Variants in NBEA observed in about 807,000 individuals in gnomAD.
The protein encoded by NBEA is neurobeachin.
In NBEA, 44 loss-of-function variants were observed where a neutral mutation model predicts 343.4. The observed-to-expected ratio is 0.13, with a 90% CI of 0.10 to 0.16. The LOEUF (loss-of-function observed/expected upper bound fraction) is 0.16, where lower values mean the gene tolerates loss of function less well. Ranked by LOEUF, NBEA falls within the 10% of genes least tolerant of loss-of-function variation. The pLI, the probability that NBEA is intolerant of heterozygous loss-of-function variation, is 1.00. For missense variants in NBEA, 2,555 were observed against 3,631.3 expected (o/e 0.70, Z 7.62); for synonymous variants, 1,175 against 1,238.7 (o/e 0.95, Z 1.08).
At chr13:35,518,086 C>T (rs1044423559) in intron 41 of NBEA, among the ~76,000 whole-genome samples, 3 of 152,128 alleles carry the variant, frequency 2.0e-5, no homozygotes, top group African/African-American at 7.2e-5. Context: ...ATTTAATGAG[C>T]ATGTACTTCC....
rs1176630696 is a variant in NBEA at position 35,031,892 on chromosome 13, G to A, written c.295-9041G>A. 5.3e-5 allele frequency among the ~76,000 whole-genome samples: 8 copies of A among 151,502 alleles called. No homozygotes were observed. The South Asian group carries it at 1.7e-3, about 31-fold the overall frequency. On this transcript the variant is annotated intron_variant, in intron 1 of 58. Coordinates refer to ENST00000379939, the MANE Select transcript of NBEA (RefSeq NM_001385012.1). ...TTAGCTCCCACTTATAAGTGAGAAT[G>A]TGTGGTATTTGGTTTTCTGTTCCTG...
chr13:35,010,772 A>T (rs2061470736), intron 1 of NBEA, among the ~76,000 whole-genome samples: 1 of 115,818 alleles, frequency 8.6e-6, no homozygotes, highest in Non-Finnish European at 1.7e-5. Context: ...ATATATATAT[A>T]TATATATAAG....
chr13:35,665,127 A>T lies in NBEA; in HGVS notation c.8405A>T (p.His2802Leu), dbSNP rs2085289931. Residue 2802 changes from histidine (H) to leucine (L), a missense_variant, in exon 56 of 59, where the codon CAT becomes CTT. By Grantham distance (99) the His-to-Leu change is moderately conservative (BLOSUM62 -3). This residue lies in a region of NBEA where 186 missense variants were observed against 328.9 expected (regional missense o/e 0.57). Transcript: ENST00000379939. ...AGAGCCGTCCTCACAGGCCATGACC[A>T]TGAAGTTGTCTGTGTTTCTGTCTGT... ...APRAVLTGHD[H>L]EVVCVSVCAE... is the part of the protein sequence containing the mutation. The T allele has an allele frequency of 1.3e-6, 2 of 1,588,584 alleles. No individual in the cohort carries two copies. Among genetic ancestry groups the T allele is most frequent in the Non-Finnish European group, 1.7e-6 (2 of 1,165,392 alleles).
chr13:34,966,234 C>T (rs1416235207), intron 1 of NBEA, among the ~76,000 whole-genome samples: 1 of 151,948 alleles, frequency 6.6e-6, no homozygotes, highest in Non-Finnish European at 1.5e-5. Context: ...GTAGTGTGCC[C>T]ATTGCATGTA....
intron 48 of NBEA, among the ~76,000 whole-genome samples, chr13:35,625,561 G>A (rs769199072): frequency 2.6e-5 from 4 of 152,038 alleles, no homozygotes; most frequent in Non-Finnish European, 5.9e-5. Context: ...GGAGACGGAG[G>A]TTGTAGTGAG....
chr13:35,057,919 AT>A (rs1021325557), intron 7 of NBEA, among the ~76,000 whole-genome samples: 4 of 152,066 alleles, frequency 2.6e-5, no homozygotes, highest in East Asian at 1.9e-4. Flanking sequence ...TCCATTCACA[AT>A]TTTTTTTGTT....
intron 41 of NBEA, among the ~76,000 whole-genome samples, chr13:35,479,868 G>C (rs1343203552): frequency 6.6e-6 from 1 of 151,988 alleles, no homozygotes; most frequent in East Asian, 1.9e-4. Context: ...TCTTTGACAT[G>C]AGCTAATAAT....
Position 35,670,911 on chromosome 13 carries a change from A to G in NBEA, c.8824A>G (p.Thr2942Ala), listed in dbSNP as rs1276376644. ...DLSHDQRTLI[T>A]GMASGSIVAF... ...TTTCTGCTTTTCCAGGACTCTGATCACTGGCATGGCTTCTGGTAGCATTGT... is the reference window on the plus strand; with the variant it reads ...TTTCTGCTTTTCCAGGACTCTGATCGCTGGCATGGCTTCTGGTAGCATTGT... Residue 2942 changes from threonine to alanine, a missense_variant, in exon 59 of 59, where the codon ACT becomes GCT. Physicochemically the swap from Thr to Ala is moderately conservative, Grantham distance 58. This residue lies in a region of NBEA where 186 missense variants were observed against 328.9 expected (regional missense o/e 0.57). Transcript: ENST00000379939. 3.8e-6 allele frequency: 6 copies of G among 1,594,548 alleles called. No homozygotes were observed. The highest frequency in any genetic ancestry group is 5.1e-6 in the Non-Finnish European group (6 of 1,169,136).
At chr13:35,302,285 T>C (rs898068039) in intron 35 of NBEA, among the ~76,000 whole-genome samples, 4 of 152,212 alleles carry the variant, frequency 2.6e-5, no homozygotes, top group African/African-American at 7.2e-5. Flanking sequence ...GTGTCTTATG[T>C]ATCTCATACC....
At chr13:35,476,758 TG>T in intron 41 of NBEA, 1 of 1,054,304 alleles carries the variant, frequency 9.5e-7, no homozygotes. Flanking sequence ...CAATCGCCAC[TG>T]GGCTCGTCAC....
intron 53 of NBEA, among the ~76,000 whole-genome samples, chr13:35,652,850 G>A (rs185557571): frequency 9.3e-5 from 14 of 150,188 alleles, no homozygotes; most frequent in South Asian, 2.1e-4. Context: ...GCCCGCCACC[G>A]CGCCCGGCTA....
rs1046435160 is a variant in NBEA, at chr13:35,483,724, A to G, written c.6585+11188A>G. Among the ~76,000 whole-genome samples the G allele has an allele frequency of 1.3e-4, 20 of 152,216 alleles. No individual in the cohort carries two copies. The East Asian group carries it at 2.7e-3, about 21-fold the overall frequency. Reference sequence around the variant, plus strand: ...TTTGTATTTTTATTTTGCAGTTACAATAGAAATTTTAATGTTATGCATGCT... The same window carrying G: ...TTTGTATTTTTATTTTGCAGTTACAGTAGAAATTTTAATGTTATGCATGCT... On this transcript the variant is annotated intron_variant, in intron 41 of 58. Coordinates refer to ENST00000379939, the MANE Select transcript of NBEA (RefSeq NM_001385012.1).
chr13:35,278,868 A>G (rs1235231871), intron 34 of NBEA, among the ~76,000 whole-genome samples: 4 of 152,190 alleles, frequency 2.6e-5, no homozygotes, highest in African/African-American at 4.8e-5. Flanking sequence ...ATAACATGGA[A>G]TTTGCTACAT....
chr13:35,409,218 A>T (rs1040696239), intron 38 of NBEA, among the ~76,000 whole-genome samples: 1 of 152,150 alleles, frequency 6.6e-6, no homozygotes, highest in Non-Finnish European at 1.5e-5. Flanking sequence ...GCTGGAGGCC[A>T]TTATCCTAAG....
chr13:35,434,565 G>A (rs1051821579), intron 39 of NBEA, among the ~76,000 whole-genome samples: 8 of 152,160 alleles, frequency 5.3e-5, no homozygotes, highest in Non-Finnish European at 1.2e-4. Flanking sequence ...AGGTCAGGGA[G>A]TGGAAGACTA....
intron 55 of NBEA, among the ~76,000 whole-genome samples, chr13:35,657,629 A>G (rs1278097977): frequency 6.6e-6 from 1 of 152,240 alleles, no homozygotes. Context: ...TTATCTAAAT[A>G]TATGTTCACA....
chr13:35,550,378 T>C, intron 41 of NBEA, 99 bp from the exon 42 acceptor site: 1 of 656,828 alleles, frequency 1.5e-6, no homozygotes, highest in South Asian at 2.6e-5. Flanking sequence ...AGACAGTGAA[T>C]TCATTTCTAG....
chr13:35,256,213 C>T (rs79521852), intron 34 of NBEA, among the ~76,000 whole-genome samples: 5,126 of 152,170 alleles, frequency 0.034, 183 homozygotes, highest in East Asian at 0.15. Flanking sequence ...CAGCTCTGAT[C>T]GGAGAGGAGA....
At chr13:35,185,309 A>G (rs574262864) in intron 30 of NBEA, 10 of 152,036 alleles carry the variant, frequency 6.6e-5, no homozygotes, top group Non-Finnish European at 1.3e-4. Context: ...CAGGTGATAC[A>G]ATACTTCAGT....
Sources: gnomAD v4.1 joint callset for allele counts (sites outside exome capture counted in the v4.1 genomes callset) on GRCh38, gnomAD v4.1.1 for gene constraint, gnomAD v4.1.1 regional missense constraint, MANE v1.5 for transcripts, NCBI Gene and HGNC (gene_info 2026-07-23, HGNC 2026-07-21) for gene names.